Variants in WDPCP observed in about 807,000 individuals in gnomAD.
WDPCP encodes the protein WD repeat-containing and planar cell polarity effector protein fritz homolog.
Under a neutral mutation model 93.1 loss-of-function variants are expected in WDPCP, and 71 were observed. The ratio of observed to expected loss-of-function variants is 0.76; its 90% CI spans 0.63 to 0.93. WDPCP has a LOEUF of 0.93. WDPCP is among the 40% of genes least tolerant of loss of function. WDPCP has a pLI of 0.00. For synonymous variants in WDPCP, 315 were observed against 315.0 expected (o/e 1.00, Z 0.00); for missense variants, 844 against 887.4 (o/e 0.95, Z 0.62).
At chr2:63,818,738 G>GA (rs1335613498) in intron 1 of WDPCP, among the ~76,000 whole-genome samples, 2 of 152,056 alleles carry the variant, frequency 1.3e-5, no homozygotes, top group East Asian at 1.9e-4. Context: ...CTAAACAGGG[G>GA]AAAAAACCCA....
intron 17 of WDPCP, among the ~76,000 whole-genome samples, chr2:63,137,920 G>A (rs548824860): frequency 1.2e-4 from 18 of 152,094 alleles, no homozygotes; most frequent in Non-Finnish European, 2.2e-4. Flanking sequence ...CCATGTGTCT[G>A]TTTTTGTACA....
chr2:63,297,940 C>A (rs570933316), intron 13 of WDPCP, among the ~76,000 whole-genome samples: 21 of 152,286 alleles, frequency 1.4e-4, no homozygotes, highest in African/African-American at 4.8e-4. Context: ...TTAATGGCTG[C>A]AGCCATATGT....
chr2:63,564,963 G>A (rs1706923649), intron 1 of WDPCP, among the ~76,000 whole-genome samples: 1 of 152,060 alleles, frequency 6.6e-6, no homozygotes. Flanking sequence ...ATTTTTAGTA[G>A]AGATGGTGTT....
intron 10 of WDPCP, among the ~76,000 whole-genome samples, chr2:63,390,917 G>A (rs10196392): frequency 0.56 from 85,746 of 151,970 alleles, 24,545 homozygotes; most frequent in Admixed American, 0.64. Flanking sequence ...CAACCAAAAA[G>A]TGTCCAGAAC....
chr2:63,707,747 T>C (rs1478640722), intron 2 of WDPCP, among the ~76,000 whole-genome samples: 1 of 152,198 alleles, frequency 6.6e-6, no homozygotes, highest in Non-Finnish European at 1.5e-5. Flanking sequence ...TTTTTCCCCA[T>C]CTTTGTGGTT....
At chr2:63,280,940 C>A (rs1683490930) in intron 13 of WDPCP, among the ~76,000 whole-genome samples, 1 of 152,002 alleles carries the variant, frequency 6.6e-6, no homozygotes, top group African/African-American at 2.4e-5. Flanking sequence ...TGACTACAAC[C>A]CAAAAGCAAA....
intron 13 of WDPCP, among the ~76,000 whole-genome samples, chr2:63,276,741 A>C (rs1683116772): frequency 6.6e-6 from 1 of 152,234 alleles, no homozygotes; most frequent in Non-Finnish European, 1.5e-5. Flanking sequence ...TTAAGTGTCC[A>C]AACCTAAGAA....
At chr2:63,256,084 A>G (rs1217028438) in intron 14 of WDPCP, among the ~76,000 whole-genome samples, 2 of 152,168 alleles carry the variant, frequency 1.3e-5, no homozygotes. Context: ...AAACAATATT[A>G]TAAAGAAATA....
intron 1 of WDPCP, among the ~76,000 whole-genome samples, chr2:63,549,265 A>G (rs1047507901): frequency 4.0e-4 from 60 of 151,412 alleles, no homozygotes; most frequent in African/African-American, 9.7e-4. Context: ...AAAAAAAAAA[A>G]AAAGAAAATA....
At chr2:63,622,090 TTG>T in intron 3 of WDPCP, 5 of 1,130,220 alleles carry the variant, frequency 4.4e-6, no homozygotes, top group East Asian at 2.9e-5. Context: ...TTTTTGGAAG[TTG>T]ATTTTTAATG....
intron 10 of WDPCP, among the ~76,000 whole-genome samples, chr2:63,398,434 C>A (rs1693909164): frequency 1.3e-5 from 2 of 152,156 alleles, no homozygotes; most frequent in South Asian, 4.1e-4. Flanking sequence ...TGTAATGACA[C>A]TTCTAATTAC....
intron 12 of WDPCP, among the ~76,000 whole-genome samples, chr2:63,353,387 AG>A (rs2104573882): frequency 6.6e-6 from 1 of 152,322 alleles, no homozygotes; most frequent in African/African-American, 2.4e-5. Context: ...ACAGCCTGCA[AG>A]TCCCACTTCC....
intron 2 of WDPCP, among the ~76,000 whole-genome samples, chr2:63,764,730 C>T (rs1452093957): frequency 2.6e-5 from 4 of 151,992 alleles, no homozygotes; most frequent in East Asian, 1.9e-4. Flanking sequence ...GGGGATGGAC[C>T]GAGAGGCTTC....
intron 3 of WDPCP, chr2:63,622,312 G>A (rs911348169): frequency 6.9e-6 from 11 of 1,597,278 alleles, no homozygotes; most frequent in Non-Finnish European, 8.6e-6. Context: ...GTTTTGGAAG[G>A]GGCCTCGCCT....
intron 1 of WDPCP, among the ~76,000 whole-genome samples, chr2:63,587,887 G>C (rs1708975812): frequency 6.6e-6 from 1 of 152,246 alleles, no homozygotes; most frequent in Non-Finnish European, 1.5e-5. Context: ...GGAGGGCTTA[G>C]AGCAAATTAG....
chr2:63,440,676 T>C (rs1697449664), intron 6 of WDPCP: 1 of 152,568 alleles, frequency 6.6e-6, no homozygotes. Context: ...ATCTATGAGA[T>C]TATGAAATAT....
At chr2:63,587,740 G>C (rs1027200166) in intron 1 of WDPCP, among the ~76,000 whole-genome samples, 3 of 152,210 alleles carry the variant, frequency 2.0e-5, no homozygotes, top group African/African-American at 7.2e-5. Context: ...GAGACTGACT[G>C]ACTAAACAAC....
At chr2:63,745,848 T>A (rs1669788030) in intron 2 of WDPCP, among the ~76,000 whole-genome samples, 1 of 152,164 alleles carries the variant, frequency 6.6e-6, no homozygotes, top group Non-Finnish European at 1.5e-5. Context: ...CCAAACTGTT[T>A]TTGTGCCCAT....
chr2:63,223,706 T>C (rs1480429566), intron 14 of WDPCP, among the ~76,000 whole-genome samples: 1 of 152,138 alleles, frequency 6.6e-6, no homozygotes, highest in Non-Finnish European at 1.5e-5. Flanking sequence ...AGGAATCGCT[T>C]TGTGTGTATG....
Sources: gnomAD v4.1 joint callset for allele counts (sites outside exome capture counted in the v4.1 genomes callset) on GRCh38, gnomAD v4.1.1 for gene constraint, MANE v1.5 for transcripts, NCBI Gene and HGNC (gene_info 2026-07-23, HGNC 2026-07-21) for gene names.